Variants in PCDH15 observed in about 807,000 individuals in gnomAD.
The protein encoded by PCDH15 is protocadherin-15.
PCDH15 carries 129 observed loss-of-function variants against 178.5 expected under a neutral mutation model. That is an observed-to-expected ratio of 0.72 (90% confidence interval 0.63 to 0.84). The LOEUF (loss-of-function observed/expected upper bound fraction) is 0.84. Ranked by LOEUF, PCDH15 falls within the 40% of genes least tolerant of loss-of-function variation. The probability of loss-of-function intolerance (pLI) is 0.00; values close to 1 mark genes in which losing one functional copy is unlikely to be tolerated. For missense variants in PCDH15, 2,230 were observed against 2,099.9 expected (o/e 1.06, Z -1.21); for synonymous variants, 800 against 732.0 (o/e 1.09, Z -1.50).
intron 1 of PCDH15, among the ~76,000 whole-genome samples, chr10:55,309,034 TAA>T (rs1843506439): frequency 6.6e-6 from 1 of 152,114 alleles, no homozygotes; most frequent in African/African-American, 2.4e-5. Context: ...AGAAAGAAAC[TAA>T]AAGAGCCAAT....
chr10:55,447,790 A>C (rs77568416), intron 2 of PCDH15, among the ~76,000 whole-genome samples: 6,012 of 152,144 alleles, frequency 0.04, 377 homozygotes, highest in East Asian at 0.29. Flanking sequence ...GTTACATTAG[A>C]GCATCAGAGG....
At chr10:54,375,918 G>A (rs908460998) in intron 4 of PCDH15, among the ~76,000 whole-genome samples, 33 of 147,740 alleles carry the variant, frequency 2.2e-4, no homozygotes, top group African/African-American at 7.2e-4. Context: ...TTTTTGAGAC[G>A]GAGTCACACT....
At chr10:54,051,823 A>G (rs1487052390) in intron 18 of PCDH15, among the ~76,000 whole-genome samples, 1 of 151,948 alleles carries the variant, frequency 6.6e-6, no homozygotes, top group African/African-American at 2.4e-5. Flanking sequence ...GGACTAGGAG[A>G]GAAATGGTTT....
At chr10:53,821,647 T>TGTAGTTTTTAAAAA in intron 32 of PCDH15, 2 of 1,334,134 alleles carry the variant, frequency 1.5e-6, no homozygotes, top group Non-Finnish European at 1.9e-6. Flanking sequence ...TATGCTACTT[T>TGTAGTTTTTAAAAA]GTAGTTTTTA....
At chr10:54,113,843 GAAAAAAAGGCC>G (rs1554795346) in intron 15 of PCDH15, among the ~76,000 whole-genome samples, 2 of 151,870 alleles carry the variant, frequency 1.3e-5, no homozygotes, top group Non-Finnish European at 2.9e-5. Flanking sequence ...AATTTATAAA[GAAAAAAAGGCC>G]TCCACATGGC....
chr10:54,438,335 T>C (rs2075569363), intron 3 of PCDH15, among the ~76,000 whole-genome samples: 1 of 144,742 alleles, frequency 6.9e-6, no homozygotes, highest in South Asian at 2.3e-4. Context: ...GGCACCCAAA[T>C]GCTTCTTCTG....
intron 8 of PCDH15, among the ~76,000 whole-genome samples, chr10:54,297,926 GC>G: frequency 3.3e-5 from 5 of 152,284 alleles, no homozygotes; most frequent in Admixed American, 3.3e-4. Flanking sequence ...ATACCTGATA[GC>G]TTAATCAAGT....
intron 2 of PCDH15, among the ~76,000 whole-genome samples, chr10:54,576,908 G>A (rs935704218): frequency 2.6e-5 from 4 of 151,388 alleles, no homozygotes; most frequent in Admixed American, 1.3e-4. Context: ...TGGTAGTTCC[G>A]CTCTTGAGGA....
At chr10:54,175,974 T>C (rs542270788) in intron 13 of PCDH15, among the ~76,000 whole-genome samples, 2 of 152,112 alleles carry the variant, frequency 1.3e-5, no homozygotes, top group Non-Finnish European at 2.9e-5. Flanking sequence ...AACTAAGAAA[T>C]TAAAATATTT....
chr10:53,909,051 A>G (rs1056915067), intron 25 of PCDH15, among the ~76,000 whole-genome samples: 2 of 152,140 alleles, frequency 1.3e-5, no homozygotes, highest in African/African-American at 4.8e-5. Context: ...CCCCACCCAA[A>G]TCTCATCTTG....
At chr10:54,287,212 G>C (rs2059085119) in intron 8 of PCDH15, among the ~76,000 whole-genome samples, 3 of 152,092 alleles carry the variant, frequency 2.0e-5, no homozygotes, top group Non-Finnish European at 4.4e-5. Flanking sequence ...ATACCCATCA[G>C]TGTATTAAGC....
chr10:54,250,077 C>CTA (rs1412806029), intron 8 of PCDH15, among the ~76,000 whole-genome samples: 57 of 137,780 alleles, frequency 4.1e-4, no homozygotes, highest in African/African-American at 1.4e-3. Context: ...CCACATCCGG[C>CTA]TTTTTTTTTT....
chr10:54,845,817 T>A (rs542279432), intron 3 of PCDH15, among the ~76,000 whole-genome samples: 1 of 152,172 alleles, frequency 6.6e-6, no homozygotes, highest in African/African-American at 2.4e-5. Context: ...TAACATGCAA[T>A]TTTTTTGGAA....
intron 2 of PCDH15, among the ~76,000 whole-genome samples, chr10:55,562,727 G>C (rs529059348): frequency 2.6e-5 from 4 of 151,986 alleles, no homozygotes; most frequent in Non-Finnish European, 4.4e-5. Flanking sequence ...GAAATGATAC[G>C]TGTGGGGAAA....
intron 18 of PCDH15, among the ~76,000 whole-genome samples, chr10:54,038,641 C>T (rs920630213): frequency 6.6e-6 from 1 of 151,798 alleles, no homozygotes; most frequent in Non-Finnish European, 1.5e-5. Flanking sequence ...TAGATAAGGT[C>T]ATCTCTGAAG....
chr10:55,342,469 AT>A (rs1288351231), intron 2 of PCDH15, among the ~76,000 whole-genome samples: 1 of 151,698 alleles, frequency 6.6e-6, no homozygotes, highest in African/African-American at 2.4e-5. Flanking sequence ...TTATTTATTT[AT>A]TTTTTAGTTT....
intron 1 of PCDH15, among the ~76,000 whole-genome samples, chr10:55,273,004 C>T (rs1307836128): frequency 2.0e-5 from 3 of 151,888 alleles, no homozygotes; most frequent in Non-Finnish European, 4.4e-5. Context: ...CTGTGAAAAA[C>T]GAAGGCAGAA....
chr10:54,846,894 G>C (rs969652714), intron 3 of PCDH15, among the ~76,000 whole-genome samples: 5 of 152,108 alleles, frequency 3.3e-5, no homozygotes, highest in African/African-American at 9.7e-5. Context: ...ATGTTACACT[G>C]CATTTGAGTA....
chr10:53,885,602 T>C (rs904831102), intron 26 of PCDH15, among the ~76,000 whole-genome samples: 4 of 152,072 alleles, frequency 2.6e-5, no homozygotes, highest in Non-Finnish European at 2.9e-5. Flanking sequence ...CAGATAACCA[T>C]TGACAACAAG....
Sources: allele counts gnomAD v4.1 joint callset (sites outside exome capture counted in the v4.1 genomes callset), GRCh38; gene constraint gnomAD v4.1.1; transcripts MANE v1.5; gene names NCBI Gene and HGNC (gene_info 2026-07-23, HGNC 2026-07-21).